The following SEL1L variants were observed in gnomAD, a reference collection of about 807,000 sequenced individuals.
The protein encoded by SEL1L is SEL1L adaptor subunit of SYVN1 ubiquitin ligase.
Under a neutral mutation model 109.8 loss-of-function variants are expected in SEL1L, and 52 were observed. The ratio of observed to expected loss-of-function variants is 0.47; its 90% CI spans 0.38 to 0.60. The LOEUF (loss-of-function observed/expected upper bound fraction) is 0.60, where lower values mean the gene tolerates loss of function less well. SEL1L is among the 20% of genes least tolerant of loss of function. The pLI is 0.00. For synonymous variants in SEL1L, 373 were observed against 339.6 expected, an observed-to-expected ratio of 1.10 and a Z score of -1.08; for missense variants, 749 against 962.2, an observed-to-expected ratio of 0.78 and a Z score of 2.93.
chr14:81,516,092 A>C (rs902530276), intron 3 of SEL1L, among the ~76,000 whole-genome samples: 7 of 152,192 alleles, frequency 4.6e-5, no homozygotes, highest in African/African-American at 1.7e-4. Context: ...CGAGGCAATC[A>C]CTGGAAGGTG....
intron 8 of SEL1L, chr14:81,499,009 G>T: frequency 1.7e-6 from 1 of 594,608 alleles, no homozygotes; most frequent in Non-Finnish European, 2.1e-6. Flanking sequence ...GAGTCATTCT[G>T]CACAAATAAC....
Position 81,504,376 on chromosome 14 carries a change from T to C in SEL1L, c.509-70A>G. 4 of 1,119,496 alleles carry C rather than the reference T, an allele frequency of 3.6e-6. No individual in the cohort carries two copies. In the Admixed American group the frequency reaches 1.1e-4, roughly 30 times the overall value. The allele number at this position is 1,119,496 out of a possible 1,614,324, so 69.3% of individuals were successfully genotyped here. The stretch of plus-strand genomic sequence containing the variant: ...TCAATTATCAACCATTAGTATTCTT[T>C]CTTTTGGGCAGTCATACAAACAAAA... On this transcript the variant is annotated intron_variant, in intron 4 of 20. Coordinates refer to ENST00000336735, the MANE Select transcript of SEL1L (RefSeq NM_005065.6).
intron 3 of SEL1L, among the ~76,000 whole-genome samples, chr14:81,515,191 G>GT (rs1242877534): frequency 6.6e-6 from 1 of 152,162 alleles, no homozygotes; most frequent in Non-Finnish European, 1.5e-5. Context: ...CCTTCAAGCT[G>GT]TAGGGGAGGG....
At position 81,477,145 on chromosome 14, in the gene SEL1L, G is replaced by A; in HGVS notation, c.2212C>T (p.Leu738Phe). 1 of 1,614,154 alleles carries A rather than the reference G, an allele frequency of 6.2e-7. No individual in the cohort carries two copies. Residue 738 changes from leucine to phenylalanine, a missense_variant, in exon 21 of 21, where the codon CTT becomes TTT. Physicochemically the swap from Leu to Phe is conservative, Grantham distance 22. Around this residue, in one of 2 missense-constraint regions of SEL1L, gnomAD observed 383 missense variants for 562.5 expected, o/e 0.68. Coordinates refer to ENST00000336735, the MANE Select transcript of SEL1L (RefSeq NM_005065.6). ...DMFTQLDMDQLLGPEWDLYLM... is the reference protein window; with the variant it reads ...DMFTQLDMDQFLGPEWDLYLM... ...TAAAGGTCCCACTCAGGTCCCAAAA[G>A]CTGGTCCATATCAAGTTGGGTGAAC...
At chr14:81,528,093 T>C (rs1354388879) in intron 1 of SEL1L, among the ~76,000 whole-genome samples, 1 of 152,168 alleles carries the variant, frequency 6.6e-6, no homozygotes, top group African/African-American at 2.4e-5. Flanking sequence ...ACTAAGTTCA[T>C]AAAAATAAAT....
intron 5 of SEL1L, among the ~76,000 whole-genome samples, chr14:81,503,151 C>A (rs1884083998): frequency 6.6e-6 from 1 of 152,104 alleles, no homozygotes; most frequent in East Asian, 1.9e-4. Flanking sequence ...CGCCACCGTG[C>A]CTGGCTAATT....
At chr14:81,498,182 G>A (rs749147503) in intron 9 of SEL1L, 136 bp from the exon 10 acceptor site, 40 of 930,938 alleles carry the variant, frequency 4.3e-5, no homozygotes, top group Admixed American at 9.1e-5. Context: ...AGTCTATATA[G>A]ATCGCAAATC....
intron 3 of SEL1L, among the ~76,000 whole-genome samples, chr14:81,525,544 A>T (rs1307180781): frequency 1.3e-5 from 2 of 151,508 alleles, no homozygotes; most frequent in Non-Finnish European, 2.9e-5. Context: ...TTTCAGAGGA[A>T]GTAAACAGAA....
intron 16 of SEL1L, among the ~76,000 whole-genome samples, chr14:81,486,814 G>C (rs935249762): frequency 6.6e-6 from 1 of 152,106 alleles, no homozygotes; most frequent in Non-Finnish European, 1.5e-5. Context: ...TTTGACAAGT[G>C]AGTAAACTAA....
rs544974402 is a variant in SEL1L, at chr14:81,476,858, G to T, written c.*114C>A. 10 of 983,476 alleles carry T rather than the reference G, an allele frequency of 1.0e-5. No homozygotes were observed. Among genetic ancestry groups the T allele is most frequent in the Non-Finnish European group, 1.5e-5 (10 of 670,924 alleles). The allele number at this position is 983,476 out of a possible 1,614,324, so 60.9% of individuals were successfully genotyped here. A position where few individuals can be genotyped will look rare whatever the true frequency, so the allele number is the denominator to read the frequency against. ...AGCTTTAGGAATTCAATGCTTCCTTGTGCCGTGCCTCTTCTGGGAGGTGAC... is the reference window on the plus strand; with the variant it reads ...AGCTTTAGGAATTCAATGCTTCCTTTTGCCGTGCCTCTTCTGGGAGGTGAC... On this transcript the variant is annotated 3_prime_UTR_variant, in exon 21 of 21. Transcript: ENST00000336735.
At chr14:81,488,458 G>A (rs1883410039) in intron 14 of SEL1L, among the ~76,000 whole-genome samples, 1 of 152,200 alleles carries the variant, frequency 6.6e-6, no homozygotes, top group African/African-American at 2.4e-5. Flanking sequence ...ACACATTACT[G>A]TCTTTTGTGT....
Position 81,484,355 on chromosome 14 carries a change from T to C in SEL1L, c.1916A>G (p.Tyr639Cys), listed in dbSNP as rs770193865. ...ATAATCTACATCGGTGCCAAACCCA[T>C]AGAAATGGTAGTCTCCGAGCTTAAT... ...ARIKLGDYHF[Y>C]GFGTDVDYET... Residue 639 changes from tyrosine (Y) to cysteine (C), a missense_variant, in exon 19 of 21, where the codon TAT becomes TGT. Physicochemically the swap from Tyr to Cys is radical, Grantham distance 194 (BLOSUM62 -2). Around this residue, in one of 2 missense-constraint regions of SEL1L, gnomAD observed 383 missense variants for 562.5 expected, o/e 0.68. Coordinates refer to ENST00000336735, the MANE Select transcript of SEL1L (RefSeq NM_005065.6). 1 of 1,614,034 alleles carries C rather than the reference T, an allele frequency of 6.2e-7. No homozygotes were observed. Among genetic ancestry groups the C allele is most frequent in the South Asian group, 1.1e-5 (1 of 91,068 alleles).
chr14:81,478,925 T>C (rs1192993290), intron 20 of SEL1L, among the ~76,000 whole-genome samples: 1 of 152,188 alleles, frequency 6.6e-6, no homozygotes. Flanking sequence ...AAGCCTATGT[T>C]AGAAACAAGG....
At chr14:81,522,571 C>T (rs1884958480) in intron 3 of SEL1L, among the ~76,000 whole-genome samples, 2 of 152,176 alleles carry the variant, frequency 1.3e-5, no homozygotes, top group Admixed American at 1.3e-4. Flanking sequence ...ATAGGCTACA[C>T]TAGCTAGGTT....
rs551163694 is a variant in SEL1L at position 81,490,280 on chromosome 14, T to C, written c.1332+108A>G. ...AATCATACTTAATATGCAGTTTCAA[T>C]AATGTATAGCATGAGTTGGTTATGA... On this transcript the variant is annotated intron_variant, in intron 13 of 20. Transcript: ENST00000336735. 3.9e-5 allele frequency: 30 copies of C among 774,932 alleles called. 1 individual carries two copies. In the South Asian group the frequency reaches 5.5e-4, roughly 14 times the overall value. 48.0% of individuals were successfully genotyped at this position (774,932 alleles called of 1,614,324 possible).
Position 81,476,127 on chromosome 14 carries a change from T to G in SEL1L, c.*845A>C, listed in dbSNP as rs555470611. 16 of 152,330 alleles carry G rather than the reference T, an allele frequency of 1.1e-4. No individual in the cohort carries two copies. The highest frequency in any genetic ancestry group is 1.9e-4 in the East Asian group (1 of 5,188). The allele number at this position is 152,330 out of a possible 1,614,324, so 9.4% of individuals were successfully genotyped here. A position where few individuals can be genotyped will look rare whatever the true frequency, so the allele number is the denominator to read the frequency against. ...GTAGTACCCCAACCAGAGTTCGTTT[T>G]GTTTTCTAATTTCTCCCACTTAGTC... On this transcript the variant is annotated 3_prime_UTR_variant, in exon 21 of 21. Transcript: ENST00000336735.
intron 16 of SEL1L, among the ~76,000 whole-genome samples, 173 bp downstream of exon 16, chr14:81,487,217 A>G (rs368153691): frequency 3.8e-4 from 58 of 152,286 alleles, no homozygotes; most frequent in South Asian, 1.7e-3. Context: ...CACTGAATAA[A>G]TAAGTATGGT....
intron 7 of SEL1L, 31 bp from the exon 8 acceptor site, chr14:81,499,549 C>T (rs369838078): frequency 6.2e-7 from 1 of 1,606,928 alleles, no homozygotes; most frequent in Non-Finnish European, 8.5e-7. Context: ...TTTAACTGAA[C>T]ATAGGCACGC....
chr14:81,519,471 G>C (rs115303906), intron 3 of SEL1L, among the ~76,000 whole-genome samples: 1 of 152,202 alleles, frequency 6.6e-6, no homozygotes, highest in African/African-American at 2.4e-5. Flanking sequence ...GAAATAGCAA[G>C]AGGGCAAGTT....
Sources: allele counts gnomAD v4.1 joint callset (sites outside exome capture counted in the v4.1 genomes callset), GRCh38; gene constraint gnomAD v4.1.1; regional missense constraint gnomAD v4.1.1; transcripts MANE v1.5; gene names NCBI Gene and HGNC (gene_info 2026-07-23, HGNC 2026-07-21).